KANK4: variants seen among roughly 807,000 people sequenced by gnomAD.
The protein encoded by KANK4 is KN motif and ankyrin repeat domains 4.
A neutral mutation model predicts 80.8 loss-of-function variants in KANK4; 50 were observed. That is an observed-to-expected ratio of 0.62 (90% CI 0.49 to 0.78). The LOEUF is 0.78. KANK4 is among the 30% of genes least tolerant of loss of function. The probability of loss-of-function intolerance (pLI) is 0.00; values close to 1 mark genes in which losing one functional copy is unlikely to be tolerated. For missense variants in KANK4, 1,196 were observed against 1,240.1 expected (o/e 0.96, Z 0.53); for synonymous variants, 465 against 506.9 (o/e 0.92, Z 1.11).
At chr1:62,239,428 G>T (rs990271048) in intron 9 of KANK4, among the ~76,000 whole-genome samples, 10 of 152,056 alleles carry the variant, frequency 6.6e-5, no homozygotes, top group Non-Finnish European at 1.3e-4. Flanking sequence ...CAGTGGAAAT[G>T]TATGTTGTTT....
rs565117916 is a variant in KANK4 at position 62,268,639 on chromosome 1, G to A, written c.2013-134C>T. 93 of 703,864 alleles carry A rather than the reference G, an allele frequency of 1.3e-4. No individual in the cohort carries two copies. The Admixed American group carries it at 1.8e-3, about 14-fold the overall frequency. 43.6% of individuals were successfully genotyped at this position (703,864 alleles called of 1,614,324 possible). A position where few individuals can be genotyped will look rare whatever the true frequency, so the allele number is the denominator to read the frequency against. ...TCCTCCCCCACTCTCTACACCTGCC[G>A]GCAGGGTGACAGGCTCCCAGGAATC... On this transcript the variant is annotated intron_variant, in intron 4 of 9. Transcript: ENST00000371153.
At chr1:62,316,576 A>G (rs1644542076) in intron 1 of KANK4, among the ~76,000 whole-genome samples, 2 of 152,240 alleles carry the variant, frequency 1.3e-5, no homozygotes. Flanking sequence ...ATTGAAGTCC[A>G]AAGTTTTGGA....
At chr1:62,256,371 C>T (rs1353233831) in intron 7 of KANK4, among the ~76,000 whole-genome samples, 1 of 151,938 alleles carries the variant, frequency 6.6e-6, no homozygotes, top group African/African-American at 2.4e-5. Flanking sequence ...ATTCCCTCCA[C>T]CCCACAATTT....
intron 1 of KANK4, among the ~76,000 whole-genome samples, chr1:62,300,066 C>T (rs12063531): frequency 0.23 from 34,713 of 152,044 alleles, 4,326 homozygotes; most frequent in Middle Eastern, 0.35. Flanking sequence ...TCACCACAGT[C>T]CTCTGGTGTA....
At chr1:62,279,373 C>T (rs1348993733) in intron 2 of KANK4, among the ~76,000 whole-genome samples, 2 of 152,182 alleles carry the variant, frequency 1.3e-5, no homozygotes, top group East Asian at 1.9e-4. Context: ...CCCTCACATG[C>T]GGCTCTGCTC....
At chr1:62,264,990 C>T (rs1570988416) in intron 6 of KANK4, among the ~76,000 whole-genome samples, 1 of 152,164 alleles carries the variant, frequency 6.6e-6, no homozygotes, top group African/African-American at 2.4e-5. Context: ...GGCCACCACA[C>T]CCAGCTAATT....
rs1203970668 is a variant in KANK4, at chr1:62,292,325, C to T, written c.-70-10691G>A. 2.0e-5 allele frequency among the ~76,000 whole-genome samples: 3 copies of T among 152,166 alleles called. No homozygotes were observed. In the East Asian group the frequency reaches 5.8e-4, roughly 29 times the overall value. On this transcript the variant is annotated intron_variant, in intron 1 of 9. Coordinates refer to ENST00000371153, the MANE Select transcript of KANK4 (RefSeq NM_181712.5). ...GTTTTCTTCCTTAATAACCATGACC[C>T]TAGAAACACGTGAACACGCAGGAGG... is the stretch of plus-strand genomic sequence containing the variant.
chr1:62,306,632 G>T (rs1198430092), intron 1 of KANK4, among the ~76,000 whole-genome samples: 1 of 152,004 alleles, frequency 6.6e-6, no homozygotes, highest in Admixed American at 6.6e-5. Flanking sequence ...AGGCAGAGGT[G>T]CAGTGGCATG....
At chr1:62,249,546 T>TG (rs1671560158) in intron 8 of KANK4, among the ~76,000 whole-genome samples, 1 of 11,126 alleles carries the variant, frequency 9.0e-5, no homozygotes. Flanking sequence ...ATCTGGCCAA[T>TG]TTTTTTTTTT....
chr1:62,310,004 A>G (rs116832271), intron 1 of KANK4, among the ~76,000 whole-genome samples: 1,614 of 152,298 alleles, frequency 0.011, 22 homozygotes, highest in African/African-American at 0.036. Flanking sequence ...GGACATGGGG[A>G]TAGAATGAAG....
chr1:62,281,066 A>T (rs2149151622), intron 2 of KANK4, among the ~76,000 whole-genome samples: 1 of 152,292 alleles, frequency 6.6e-6, no homozygotes, highest in Non-Finnish European at 1.5e-5. Flanking sequence ...GTCATTACTG[A>T]TACCCCAGAT....
intron 1 of KANK4, among the ~76,000 whole-genome samples, chr1:62,288,307 G>A (rs1349526557): frequency 6.6e-6 from 1 of 152,208 alleles, no homozygotes; most frequent in Non-Finnish European, 1.5e-5. Flanking sequence ...AAAAAAAGGT[G>A]AACTGTCCAA....
At chr1:62,262,298 G>A (rs1671905187) in intron 7 of KANK4, among the ~76,000 whole-genome samples, 1 of 152,146 alleles carries the variant, frequency 6.6e-6, no homozygotes, top group African/African-American at 2.4e-5. Flanking sequence ...GCTGCAACAT[G>A]AGAACAATAC....
At chr1:62,309,184 T>C (rs1309358412) in intron 1 of KANK4, among the ~76,000 whole-genome samples, 2 of 152,224 alleles carry the variant, frequency 1.3e-5, no homozygotes, top group Admixed American at 6.5e-5. Flanking sequence ...GCTTGCAGAC[T>C]GTTGGCATCT....
intron 9 of KANK4, among the ~76,000 whole-genome samples, chr1:62,245,638 G>GA (rs755274052): frequency 1.3e-5 from 2 of 152,174 alleles, no homozygotes; most frequent in East Asian, 3.8e-4. Flanking sequence ...TCAGTAGCTT[G>GA]AAAATCTTAG....
chr1:62,238,854 T>C (rs759220565), intron 9 of KANK4, among the ~76,000 whole-genome samples: 19 of 152,206 alleles, frequency 1.2e-4, no homozygotes, highest in Non-Finnish European at 2.4e-4. Context: ...GGTCTCAAAC[T>C]CCTGGGCTGA....
intron 8 of KANK4, among the ~76,000 whole-genome samples, chr1:62,252,483 A>G (rs900557997): frequency 6.6e-6 from 1 of 152,260 alleles, no homozygotes; most frequent in Admixed American, 6.5e-5. Flanking sequence ...AATGACCTGC[A>G]GAACTCTATA....
chr1:62,252,190 G>A (rs569648379), intron 8 of KANK4, among the ~76,000 whole-genome samples: 1 of 152,120 alleles, frequency 6.6e-6, no homozygotes, highest in South Asian at 2.1e-4. Flanking sequence ...AGACCTAGGT[G>A]ACATTTAAGG....
intron 7 of KANK4, among the ~76,000 whole-genome samples, chr1:62,257,213 A>T (rs1671772583): frequency 6.6e-6 from 1 of 151,920 alleles, no homozygotes; most frequent in Non-Finnish European, 1.5e-5. Flanking sequence ...TCAGCCTCCC[A>T]AGTAGCTGGG....
Sources: allele counts gnomAD v4.1 joint callset (sites outside exome capture counted in the v4.1 genomes callset), GRCh38; gene constraint gnomAD v4.1.1; transcripts MANE v1.5; gene names NCBI Gene and HGNC (gene_info 2026-07-23, HGNC 2026-07-21).